Variants in NME7 observed in about 807,000 individuals in gnomAD.
The protein encoded by NME7 is NME/NM23 family member 7, also known as nucleoside diphosphate kinase 7.
NME7 carries 41 observed loss-of-function variants against 49.1 expected under a neutral mutation model. That is an observed-to-expected ratio of 0.83 (90% confidence interval 0.65 to 1.08). NME7 has a LOEUF of 1.08. NME7 is among the 50% of genes least tolerant of loss of function. NME7 has a pLI of 0.00. For synonymous variants in NME7, 139 were observed against 150.6 expected (o/e 0.92, Z 0.56); for missense variants, 423 against 463.4 (o/e 0.91, Z 0.80).
intron 7 of NME7, among the ~76,000 whole-genome samples, chr1:169,253,275 C>A (rs1648721093): frequency 1.4e-5 from 2 of 147,402 alleles, no homozygotes; most frequent in African/African-American, 5.0e-5. Context: ...AGAGGTCCTT[C>A]ACATCCCTTG....
chr1:169,344,356 C>T (rs76950265), intron 1 of NME7, among the ~76,000 whole-genome samples: 1,685 of 152,198 alleles, frequency 0.011, 34 homozygotes, highest in African/African-American at 0.039. Context: ...TTATCCTCTC[C>T]GGTCTAGATG....
chr1:169,179,666 G>A (rs2101746576), intron 10 of NME7, among the ~76,000 whole-genome samples: 1 of 152,320 alleles, frequency 6.6e-6, no homozygotes, highest in South Asian at 2.1e-4. Flanking sequence ...AAACATGGAT[G>A]GAGCTGGAGG....
intron 11 of NME7, among the ~76,000 whole-genome samples, chr1:169,152,905 T>A (rs1658951592): frequency 6.6e-6 from 1 of 152,290 alleles, no homozygotes; most frequent in East Asian, 1.9e-4. Flanking sequence ...CTGTGTGTCA[T>A]ACATACCAAG....
intron 2 of NME7, among the ~76,000 whole-genome samples, chr1:169,323,790 C>T (rs1246149414): frequency 6.7e-6 from 1 of 149,362 alleles, no homozygotes; most frequent in Non-Finnish European, 1.5e-5. Flanking sequence ...TATCTATAAT[C>T]ACTTGTTTAT....
Position 169,189,520 on chromosome 1 carries a change from G to A in NME7, c.991-19966C>T, listed in dbSNP as rs188306683. On this transcript the variant is annotated intron_variant, in intron 10 of 11. Coordinates refer to ENST00000367811, the MANE Select transcript of NME7 (RefSeq NM_013330.5). ...TCTATTGAATTCAGCTTTCGCAACAGGATAAAGAGCAAGTTTTGAAACACA... is the reference window on the plus strand; with the variant it reads ...TCTATTGAATTCAGCTTTCGCAACAAGATAAAGAGCAAGTTTTGAAACACA... Among the ~76,000 whole-genome samples the A allele has an allele frequency of 1.5e-3, 235 of 152,122 alleles. 2 individuals are homozygous for A. Among genetic ancestry groups the A allele is most frequent in the Non-Finnish European group, 2.7e-3 (184 of 67,966 alleles).
chr1:169,176,153 TG>T (rs1659743424), intron 10 of NME7, among the ~76,000 whole-genome samples: 1 of 152,114 alleles, frequency 6.6e-6, no homozygotes, highest in Admixed American at 6.5e-5. Flanking sequence ...AGATAAGCAA[TG>T]TCAGATGAAT....
intron 10 of NME7, among the ~76,000 whole-genome samples, chr1:169,171,179 G>A (rs536542181): frequency 6.6e-6 from 1 of 152,092 alleles, no homozygotes; most frequent in South Asian, 2.1e-4. Context: ...AGCAGCCTTG[G>A]CAACACAGAG....
intron 1 of NME7, among the ~76,000 whole-genome samples, chr1:169,359,988 A>C (rs548601860): frequency 1.3e-5 from 2 of 152,178 alleles, no homozygotes; most frequent in Non-Finnish European, 2.9e-5. Context: ...GGAAGTGAAG[A>C]AGTTTAGGCA....
chr1:169,165,510 G>T (rs1279293728), intron 11 of NME7, among the ~76,000 whole-genome samples: 1 of 152,104 alleles, frequency 6.6e-6, no homozygotes, highest in East Asian at 1.9e-4. Flanking sequence ...GACAGTTCTG[G>T]TTTATGCCTC....
intron 7 of NME7, among the ~76,000 whole-genome samples, chr1:169,251,273 A>G (rs1648563072): frequency 6.6e-6 from 1 of 151,920 alleles, no homozygotes. Context: ...AATCTGTTTT[A>G]TCTGATATAA....
At position 169,237,756 on chromosome 1, in the gene NME7, A is replaced by AT. The variant is rs5778610; in HGVS notation, c.755-70dup. The AT allele has an allele frequency of 0.052, 61,777 of 1,198,816 alleles. 10,842 individuals carry two copies. The East Asian group carries it at 0.66, about 13-fold the overall frequency. The allele number at this position is 1,198,816 out of a possible 1,614,324, so 74.3% of individuals were successfully genotyped here. On this transcript the variant is annotated intron_variant, in intron 7 of 11. Coordinates refer to ENST00000367811, the MANE Select transcript of NME7 (RefSeq NM_013330.5). ...ACATTTTAGTTTCTTAGAAATGCAA[A>AT]TTTTTTATAGCAAAGTACTTTTTGT... is the stretch of plus-strand genomic sequence containing the variant.
intron 4 of NME7, among the ~76,000 whole-genome samples, chr1:169,307,896 T>C (rs1221946664): frequency 6.6e-6 from 1 of 152,012 alleles, no homozygotes. Context: ...GGTGTGCTCC[T>C]GTAGTTCCAG....
At chr1:169,278,721 T>C (rs1281755294) in intron 7 of NME7, among the ~76,000 whole-genome samples, 2 of 152,228 alleles carry the variant, frequency 1.3e-5, no homozygotes, top group African/African-American at 4.8e-5. Context: ...GTTCCATTGC[T>C]GGTGAGGAAC....
intron 7 of NME7, among the ~76,000 whole-genome samples, chr1:169,283,271 C>T (rs1001440948): frequency 3.3e-5 from 5 of 152,020 alleles, no homozygotes; most frequent in Non-Finnish European, 7.4e-5. Flanking sequence ...ATTACAACTC[C>T]TGCTTTTTTT....
intron 6 of NME7, among the ~76,000 whole-genome samples, chr1:169,292,445 T>C (rs1449363046): frequency 6.6e-6 from 1 of 152,160 alleles, no homozygotes; most frequent in South Asian, 2.1e-4. Context: ...AGAATTTGTA[T>C]GCATAATATA....
At chr1:169,135,014 CAAAAAAA>C (rs58463903) in intron 11 of NME7, among the ~76,000 whole-genome samples, 30 of 50,388 alleles carry the variant, frequency 6.0e-4, no homozygotes, top group Admixed American at 1.4e-3. Context: ...CCCGTCTCTA[CAAAAAAA>C]AAAAAAAAAA....
At chr1:169,195,645 T>C (rs1285341753) in intron 10 of NME7, among the ~76,000 whole-genome samples, 1 of 152,194 alleles carries the variant, frequency 6.6e-6, no homozygotes, top group Admixed American at 6.5e-5. Context: ...AGTTTCTGGG[T>C]CATTAACTGG....
At chr1:169,238,650 G>A (rs1423262297) in intron 7 of NME7, among the ~76,000 whole-genome samples, 1 of 151,938 alleles carries the variant, frequency 6.6e-6, no homozygotes, top group Non-Finnish European at 1.5e-5. Flanking sequence ...GCTGAGGGGT[G>A]AGAAAAAGCC....
At chr1:169,302,825 A>G (rs1270919040) in intron 5 of NME7, among the ~76,000 whole-genome samples, 1 of 152,182 alleles carries the variant, frequency 6.6e-6, no homozygotes, top group African/African-American at 2.4e-5. Context: ...ACAAAAGCAT[A>G]ATAAAAATAT....
Sources: gnomAD v4.1 joint callset for allele counts (sites outside exome capture counted in the v4.1 genomes callset) on GRCh38, gnomAD v4.1.1 for gene constraint, MANE v1.5 for transcripts, NCBI Gene and HGNC (gene_info 2026-07-23, HGNC 2026-07-21) for gene names.